Variants in XIRP2 observed in about 807,000 individuals in gnomAD.
The protein encoded by XIRP2 is xin actin-binding repeat-containing protein 2.
Under a neutral mutation model 277.0 loss-of-function variants are expected in XIRP2, and 236 were observed. The observed-to-expected ratio is 0.85, with a 90% CI of 0.77 to 0.95. XIRP2 has a LOEUF of 0.95. Among genes scored for constraint, XIRP2 ranks in the 40% least tolerant of loss-of-function variants. XIRP2 has a pLI of 0.00. For synonymous variants in XIRP2, 1,490 were observed against 1,416.5 expected (o/e 1.05, Z -1.17); for missense variants, 4,640 against 4,157.5 (o/e 1.12, Z -3.19).
At chr2:167,188,967 T>G (rs189030538) in intron 3 of XIRP2, among the ~76,000 whole-genome samples, 3 of 152,354 alleles carry the variant, frequency 2.0e-5, no homozygotes, top group African/African-American at 7.2e-5. Context: ...ATTTCTTCTG[T>G]GATTACAGAG....
At chr2:166,935,872 T>C (rs907340799) in intron 2 of XIRP2, among the ~76,000 whole-genome samples, 1 of 152,204 alleles carries the variant, frequency 6.6e-6, no homozygotes, top group African/African-American at 2.4e-5. Flanking sequence ...GCAATAAACA[T>C]ACGTGAGCAT....
At chr2:167,210,625 A>C in intron 3 of XIRP2, 110 bp from the exon 4 acceptor site, 1 of 1,359,376 alleles carries the variant, frequency 7.4e-7, no homozygotes. Context: ...GAAATGCTAC[A>C]GTCCATTTTA....
At chr2:167,170,692 C>T (rs73023904) in intron 3 of XIRP2, among the ~76,000 whole-genome samples, 14,996 of 151,878 alleles carry the variant, frequency 0.099, 789 homozygotes, top group South Asian at 0.15. Flanking sequence ...TCTATTTTCT[C>T]CTCTATTTTA....
chr2:167,025,816 G>A (rs1364847229), intron 2 of XIRP2, among the ~76,000 whole-genome samples: 1 of 152,096 alleles, frequency 6.6e-6, no homozygotes, highest in Non-Finnish European at 1.5e-5. Context: ...TGTGGTCTGA[G>A]AGACAGTTTG....
At chr2:167,156,875 A>C (rs1692218212) in intron 3 of XIRP2, among the ~76,000 whole-genome samples, 1 of 152,174 alleles carries the variant, frequency 6.6e-6, no homozygotes, top group Admixed American at 6.6e-5. Flanking sequence ...AGAATGGATG[A>C]GGAAATAGAC....
chr2:166,925,591 A>G (rs1409885177), intron 2 of XIRP2, among the ~76,000 whole-genome samples: 2,271 of 55,804 alleles, frequency 0.041, 56 homozygotes, highest in African/African-American at 0.16. Context: ...GTGTATGTGT[A>G]TATACATATA....
intron 2 of XIRP2, among the ~76,000 whole-genome samples, chr2:166,994,937 C>G (rs918998555): frequency 6.7e-6 from 1 of 149,720 alleles, no homozygotes; most frequent in Non-Finnish European, 1.5e-5. Flanking sequence ...TTTTTTTGAC[C>G]GAGTCTCCAT....
chr2:167,181,838 T>C (rs1693018053), intron 3 of XIRP2, among the ~76,000 whole-genome samples: 1 of 152,138 alleles, frequency 6.6e-6, no homozygotes, highest in African/African-American at 2.4e-5. Context: ...TGTGCTCCAG[T>C]GGTGAGTCAA....
chr2:166,903,147 AT>A (rs1266105312), intron 1 of XIRP2, among the ~76,000 whole-genome samples: 1 of 152,094 alleles, frequency 6.6e-6, no homozygotes, highest in South Asian at 2.1e-4. Flanking sequence ...CAAATTTTAT[AT>A]TTTAAATAAC....
chr2:167,252,343 G>C (rs897991673), intron 9 of XIRP2, among the ~76,000 whole-genome samples: 4 of 151,854 alleles, frequency 2.6e-5, no homozygotes, highest in African/African-American at 9.7e-5. Flanking sequence ...AATGATATTT[G>C]CATTGAGTTC....
intron 5 of XIRP2, among the ~76,000 whole-genome samples, chr2:167,228,229 G>A (rs1477293046): frequency 6.6e-6 from 1 of 152,106 alleles, no homozygotes; most frequent in Admixed American, 6.5e-5. Flanking sequence ...AAATGAAGCC[G>A]CTGGTAGTTG....
chr2:167,026,785 C>G (rs1286095699), intron 2 of XIRP2, among the ~76,000 whole-genome samples: 3 of 151,966 alleles, frequency 2.0e-5, no homozygotes, highest in Non-Finnish European at 4.4e-5. Context: ...TGTTGGCCCC[C>G]ACTCTCTTCT....
rs60405920 is a variant in XIRP2 at position 167,095,851 on chromosome 2, C to CTTTTTTT, written c.409-40024_409-40018dup. 1.7e-3 allele frequency among the ~76,000 whole-genome samples: 82 copies of CTTTTTTT among 47,304 alleles called. 24 individuals carry two copies. Among genetic ancestry groups the CTTTTTTT allele is most frequent in the Non-Finnish European group, 3.1e-3 (64 of 20,634 alleles). 31.0% of individuals were successfully genotyped at this position (47,304 alleles called of 152,430 possible). Reference sequence around the variant, plus strand: ...TAAAAATGATTTAGGAGGCGTCACTCTTTTTTTTTTTTTTTTTTTTTTTTT... The same window carrying CTTTTTTT: ...TAAAAATGATTTAGGAGGCGTCACTCTTTTTTTTTTTTTTTTTTTTTTTTTTTTTTTT... On this transcript the variant is annotated intron_variant, in intron 2 of 10. Transcript: ENST00000409195.
At chr2:166,911,438 CT>C (rs1247182895) in intron 2 of XIRP2, among the ~76,000 whole-genome samples, 1 of 152,110 alleles carries the variant, frequency 6.6e-6, no homozygotes, top group African/African-American at 2.4e-5. Context: ...CAACCCCTGC[CT>C]TTTTTTGTTT....
At chr2:167,037,573 ACTT>A (rs1688545615) in intron 2 of XIRP2, among the ~76,000 whole-genome samples, 1 of 149,100 alleles carries the variant, frequency 6.7e-6, no homozygotes, top group Non-Finnish European at 1.5e-5. Flanking sequence ...AGATATTTCA[ACTT>A]CTTAGCAGGA....
chr2:167,058,315 G>A (rs866938767), intron 2 of XIRP2, among the ~76,000 whole-genome samples: 3 of 152,004 alleles, frequency 2.0e-5, no homozygotes, highest in Admixed American at 6.6e-5. Context: ...TTGAACTCCC[G>A]GGTGATCCAC....
rs1695006484 is a variant in XIRP2, at chr2:167,239,985, G to A, written c.969+20G>A. 1 of 1,572,414 alleles carries A rather than the reference G, an allele frequency of 6.4e-7. No individual in the cohort carries two copies. The highest frequency in any genetic ancestry group is 8.6e-7 in the Non-Finnish European group (1 of 1,164,036). On this transcript the variant is annotated intron_variant, in intron 6 of 10. Transcript: ENST00000409195. ...GAAATGGTAACTATTTAGAAAGGCA[G>A]TACTTTCAAACAGTTTCCAGGACTG... is the stretch of plus-strand genomic sequence containing the variant.
intron 2 of XIRP2, among the ~76,000 whole-genome samples, chr2:166,934,129 T>C (rs77344248): frequency 6.8e-6 from 1 of 147,258 alleles, no homozygotes; most frequent in East Asian, 2.0e-4. Context: ...TAAAAGTGAA[T>C]GACATCATTC....
chr2:167,246,663 T>C lies in XIRP2; in HGVS notation c.5271T>C (p.Tyr1757=), dbSNP rs1192760116. Residue 1757 remains tyrosine, a synonymous_variant, in exon 9 of 11, where the codon TAT becomes TAC. Transcript: ENST00000409195. ...TTCIEAGALD[Y]LKQLHTESNE... ...GCATAGAAGCTGGAGCTTTGGATTA[T>C]CTGAAACAACTCCACACAGAGTCAA... The C allele has an allele frequency of 3.1e-6, 5 of 1,613,756 alleles. No individual in the cohort carries two copies. The highest frequency in any genetic ancestry group is 3.4e-6 in the Non-Finnish European group (4 of 1,179,820).
Sources: allele counts gnomAD v4.1 joint callset (sites outside exome capture counted in the v4.1 genomes callset), GRCh38; gene constraint gnomAD v4.1.1; transcripts MANE v1.5; gene names NCBI Gene and HGNC (gene_info 2026-07-23, HGNC 2026-07-21).